THRB: variants seen among roughly 807,000 people sequenced by gnomAD.
THRB encodes thyroid hormone receptor beta.
In THRB, 12 loss-of-function variants were observed where a neutral mutation model predicts 47.8. That is an observed-to-expected ratio of 0.25 (90% confidence interval 0.16 to 0.41). The LOEUF (loss-of-function observed/expected upper bound fraction) is 0.41, where lower values mean the gene tolerates loss of function less well. Among genes scored for constraint, THRB ranks in the 10% least tolerant of loss-of-function variants. The probability of loss-of-function intolerance (pLI) is 1.00; values close to 1 mark genes in which losing one functional copy is unlikely to be tolerated. For synonymous variants in THRB, 218 were observed against 212.2 expected (o/e 1.03, Z -0.24); for missense variants, 348 against 589.2 (o/e 0.59, Z 4.24).
At chr3:24,238,513 G>T (rs1280907265) in intron 3 of THRB, among the ~76,000 whole-genome samples, 1 of 152,004 alleles carries the variant, frequency 6.6e-6, no homozygotes. Flanking sequence ...TTTTTAAAAA[G>T]AGTTTGATAA....
intron 6 of THRB, 84 bp downstream of exon 6, chr3:24,152,306 A>C: frequency 5.2e-6 from 4 of 762,476 alleles, no homozygotes; most frequent in Non-Finnish European, 9.5e-6. Flanking sequence ...ATTTGAATTT[A>C]AACTTAACAT....
intron 3 of THRB, among the ~76,000 whole-genome samples, chr3:24,292,151 T>C (rs1412023883): frequency 6.6e-6 from 1 of 152,196 alleles, no homozygotes; most frequent in Non-Finnish European, 1.5e-5. Flanking sequence ...ACAATGTGTG[T>C]GCACATGTTT....
At chr3:24,206,258 A>T (rs540533224) in intron 4 of THRB, among the ~76,000 whole-genome samples, 3 of 152,302 alleles carry the variant, frequency 2.0e-5, no homozygotes, top group East Asian at 1.9e-4. Context: ...GAAGTAAAGC[A>T]CTCCTCAGCA....
chr3:24,352,811 T>C (rs1465516039), intron 1 of THRB, among the ~76,000 whole-genome samples: 1 of 152,200 alleles, frequency 6.6e-6, no homozygotes, highest in Non-Finnish European at 1.5e-5. Context: ...AGAAGAGCTA[T>C]AAACACTGGC....
intron 3 of THRB, among the ~76,000 whole-genome samples, chr3:24,242,696 C>T (rs563237666): frequency 3.3e-4 from 50 of 152,268 alleles, no homozygotes; most frequent in African/African-American, 1.1e-3. Flanking sequence ...AGGTTCTAGC[C>T]TTATCCTTCT....
chr3:24,304,722 A>C (rs1311940224), intron 2 of THRB, among the ~76,000 whole-genome samples: 11 of 152,192 alleles, frequency 7.2e-5, no homozygotes, highest in Admixed American at 6.5e-4. Flanking sequence ...AGAAAGAACA[A>C]ATACATTCAA....
intron 1 of THRB, among the ~76,000 whole-genome samples, chr3:24,379,342 T>C (rs377089445): frequency 7.9e-5 from 12 of 152,116 alleles, no homozygotes; most frequent in African/African-American, 2.9e-4. Flanking sequence ...AAAGGTCAAC[T>C]GCTATTTGTT....
At chr3:24,433,698 T>C (rs1409984157) in intron 1 of THRB, among the ~76,000 whole-genome samples, 3 of 152,142 alleles carry the variant, frequency 2.0e-5, no homozygotes, top group South Asian at 4.1e-4. Flanking sequence ...TCAAATGAAA[T>C]AAACCAGTAA....
chr3:24,213,156 T>C (rs1043714218), intron 4 of THRB, among the ~76,000 whole-genome samples: 2 of 152,120 alleles, frequency 1.3e-5, no homozygotes, highest in Non-Finnish European at 2.9e-5. Context: ...GATTAGGAAG[T>C]GTGTTTGGTG....
intron 1 of THRB, among the ~76,000 whole-genome samples, chr3:24,412,621 G>A (rs1274838887): frequency 6.6e-6 from 1 of 151,656 alleles, no homozygotes; most frequent in African/African-American, 2.4e-5. Context: ...GTGTCAAGTG[G>A]GAGAAATACA....
chr3:24,247,099 T>C (rs987821992), intron 3 of THRB, among the ~76,000 whole-genome samples: 1 of 152,240 alleles, frequency 6.6e-6, no homozygotes, highest in Non-Finnish European at 1.5e-5. Context: ...AACGTGGCTC[T>C]TGGCTTTGAG....
intron 1 of THRB, among the ~76,000 whole-genome samples, chr3:24,344,565 C>G (rs2062884572): frequency 6.6e-6 from 1 of 151,988 alleles, no homozygotes; most frequent in Non-Finnish European, 1.5e-5. Flanking sequence ...GAAAAATATT[C>G]TCACAAAATT....
chr3:24,169,917 T>A (rs1396631099), intron 5 of THRB, among the ~76,000 whole-genome samples: 4 of 145,054 alleles, frequency 2.8e-5, no homozygotes, highest in South Asian at 4.4e-4. Flanking sequence ...CCTTATAGCC[T>A]GCTGAAAATA....
chr3:24,353,795 CT>C (rs1215356557), intron 1 of THRB, among the ~76,000 whole-genome samples: 2 of 152,014 alleles, frequency 1.3e-5, no homozygotes, highest in African/African-American at 4.8e-5. Flanking sequence ...ATCTCTTAAT[CT>C]AAATAATGCA....
At chr3:24,422,655 T>C (rs1416310595) in intron 1 of THRB, among the ~76,000 whole-genome samples, 1 of 151,886 alleles carries the variant, frequency 6.6e-6, no homozygotes, top group Non-Finnish European at 1.5e-5. Context: ...TGCTGAAGAT[T>C]CTTCACCTCC....
intron 3 of THRB, among the ~76,000 whole-genome samples, chr3:24,292,801 T>A (rs1369254182): frequency 6.6e-6 from 1 of 152,226 alleles, no homozygotes; most frequent in Non-Finnish European, 1.5e-5. Flanking sequence ...AGCTGCATGT[T>A]TGGACCAGAT....
At chr3:24,291,770 T>C (rs922254440) in intron 3 of THRB, among the ~76,000 whole-genome samples, 2 of 152,192 alleles carry the variant, frequency 1.3e-5, no homozygotes, top group African/African-American at 4.8e-5. Context: ...TGGGGCTCTT[T>C]TGCACATTGT....
At chr3:24,194,346 AAT>A (rs1405534735) in intron 4 of THRB, among the ~76,000 whole-genome samples, 3 of 24,682 alleles carry the variant, frequency 1.2e-4, no homozygotes, top group Non-Finnish European at 1.6e-4. Context: ...TAGTAGAAGT[AAT>A]ATTTTTTTTT....
At chr3:24,453,303 C>A (rs1577681070) in intron 1 of THRB, among the ~76,000 whole-genome samples, 1 of 152,138 alleles carries the variant, frequency 6.6e-6, no homozygotes, top group African/African-American at 2.4e-5. Context: ...CATCATGGCT[C>A]CTATGATTAT....
Sources: gnomAD v4.1 joint callset for allele counts (sites outside exome capture counted in the v4.1 genomes callset) on GRCh38, gnomAD v4.1.1 for gene constraint, MANE v1.5 for transcripts, NCBI Gene and HGNC (gene_info 2026-07-23, HGNC 2026-07-21) for gene names.